Variants in CAPN13 observed in about 807,000 individuals in gnomAD.
CAPN13 encodes calpain 13.
In CAPN13, 90 loss-of-function variants were observed where a neutral mutation model predicts 98.4. The observed-to-expected ratio is 0.92, with a 90% CI of 0.77 to 1.09. The LOEUF is 1.09. Ranked by LOEUF, CAPN13 falls within the 50% of genes least tolerant of loss-of-function variation. The pLI, the probability that CAPN13 is intolerant of heterozygous loss-of-function variation, is 0.00. For synonymous variants in CAPN13, 330 were observed against 305.5 expected (o/e 1.08, Z -0.84); for missense variants, 887 against 841.3 (o/e 1.05, Z -0.67).
intron 1 of CAPN13, among the ~76,000 whole-genome samples, chr2:30,803,404 G>T (rs62139469): frequency 0.13 from 19,058 of 152,154 alleles, 1,343 homozygotes; most frequent in East Asian, 0.16. Flanking sequence ...TGTGGGAGGT[G>T]CTGGTCAGAC....
intron 7 of CAPN13, among the ~76,000 whole-genome samples, chr2:30,759,726 C>G (rs894801833): frequency 6.6e-6 from 1 of 152,230 alleles, no homozygotes; most frequent in Non-Finnish European, 1.5e-5. Context: ...GAATTCCAAT[C>G]CAGCCACGGT....
At chr2:30,776,368 A>G (rs763000978) in intron 3 of CAPN13, among the ~76,000 whole-genome samples, 3 of 152,114 alleles carry the variant, frequency 2.0e-5, no homozygotes, top group Non-Finnish European at 4.4e-5. Flanking sequence ...AGCTGCACCA[A>G]GCCCGGCTAA....
rs765308384 is a variant in CAPN13, at chr2:30,730,805, C to A, written c.1984-19G>T. 1 of 780,876 alleles carries A rather than the reference C, an allele frequency of 1.3e-6. No homozygotes were observed. The highest frequency in any genetic ancestry group is 2.4e-6 in the Non-Finnish European group (1 of 417,974). The allele number at this position is 780,876 out of a possible 1,614,324, so 48.4% of individuals were successfully genotyped here. On this transcript the variant is annotated intron_variant, in intron 21 of 22. Coordinates refer to ENST00000295055, the MANE Select transcript of CAPN13 (RefSeq NM_144575.3). Reference sequence around the variant, plus strand: ...TCATCCACTGAAAAATAAGCATCATCATTACAACAATTCTTTACACTTGTT... The same window carrying A: ...TCATCCACTGAAAAATAAGCATCATAATTACAACAATTCTTTACACTTGTT...
At chr2:30,756,968 G>A (rs1435715959) in intron 8 of CAPN13, among the ~76,000 whole-genome samples, 6 of 152,168 alleles carry the variant, frequency 3.9e-5, no homozygotes, top group South Asian at 2.1e-4. Context: ...ATGGGGGATC[G>A]GAGCGGTCCT....
rs899566745 is a variant in CAPN13, at chr2:30,763,173, C to A, written c.700-17G>T. The A allele has an allele frequency of 6.2e-7, 1 of 1,605,342 alleles. No individual in the cohort carries two copies. The highest frequency in any genetic ancestry group is 8.5e-7 in the Non-Finnish European group (1 of 1,174,972). On this transcript the variant is annotated splice_polypyrimidine_tract_variant and intron_variant, in intron 6 of 22. Coordinates refer to ENST00000295055, the MANE Select transcript of CAPN13 (RefSeq NM_144575.3). ...ATCTGTTGGCTTCAAGGCAGAAAAG[C>A]AGATCAAACATTAGACATCTACAGG...
At chr2:30,730,675 G>C (rs1218950488) in intron 22 of CAPN13, 55 bp downstream of exon 22, 2 of 772,670 alleles carry the variant, frequency 2.6e-6, no homozygotes, top group Admixed American at 1.7e-5. Flanking sequence ...TTCTTAGAGG[G>C]GAAGGAGGAC....
At chr2:30,783,230 G>A (rs930105469) in intron 2 of CAPN13, among the ~76,000 whole-genome samples, 2 of 152,162 alleles carry the variant, frequency 1.3e-5, no homozygotes, top group African/African-American at 2.4e-5. Context: ...TTAGCTCAGG[G>A]AAATATCACA....
intron 18 of CAPN13, among the ~76,000 whole-genome samples, chr2:30,735,495 C>T (rs1470872219): frequency 3.9e-5 from 6 of 152,218 alleles, no homozygotes; most frequent in East Asian, 1.9e-4. Context: ...GGAATTCATT[C>T]GTTCATTCGG....
At chr2:30,789,518 G>A (rs1460514833) in intron 1 of CAPN13, among the ~76,000 whole-genome samples, 2 of 152,146 alleles carry the variant, frequency 1.3e-5, no homozygotes, top group Non-Finnish European at 1.5e-5. Context: ...ATCATACAAA[G>A]GTCTTATATG....
chr2:30,755,032 C>A (rs775046042), intron 8 of CAPN13, among the ~76,000 whole-genome samples: 3 of 152,160 alleles, frequency 2.0e-5, no homozygotes, highest in Non-Finnish European at 4.4e-5. Context: ...CTCTGCCACC[C>A]TCTCCGATGT....
rs1378228353 is a variant in CAPN13, at chr2:30,786,469, T to C, written c.198+659A>G. On this transcript the variant is annotated intron_variant, in intron 2 of 22. Transcript: ENST00000295055. Reference sequence around the variant, plus strand: ...TCATGCCCTAAAATTAAGATAGTTCTAGAAAAACCAGAAGGGCTCACCTGG... The same window carrying C: ...TCATGCCCTAAAATTAAGATAGTTCCAGAAAAACCAGAAGGGCTCACCTGG... Among the ~76,000 whole-genome samples the C allele has an allele frequency of 2.6e-5, 4 of 152,116 alleles. No individual in the cohort carries two copies. The East Asian group carries it at 7.7e-4, about 29-fold the overall frequency.
chr2:30,769,047 C>T (rs1673252971), intron 5 of CAPN13, among the ~76,000 whole-genome samples: 1 of 152,086 alleles, frequency 6.6e-6, no homozygotes, highest in African/African-American at 2.4e-5. Flanking sequence ...TCTAGGGGGC[C>T]TCAAGGACCC....
intron 8 of CAPN13, 113 bp from the exon 9 acceptor site, chr2:30,754,477 G>A (rs887715582): frequency 1.5e-5 from 12 of 822,652 alleles, no homozygotes; most frequent in African/African-American, 3.6e-5. Context: ...GGAGCACAGG[G>A]CAAGTGTCAT....
chr2:30,783,239 CAT>C (rs1472710576), intron 2 of CAPN13, among the ~76,000 whole-genome samples: 1 of 152,212 alleles, frequency 6.6e-6, no homozygotes, highest in Non-Finnish European at 1.5e-5. Context: ...GGAAATATCA[CAT>C]AGATACCTCA....
chr2:30,756,012 C>T (rs148804954), intron 8 of CAPN13, among the ~76,000 whole-genome samples: 26 of 152,164 alleles, frequency 1.7e-4, no homozygotes, highest in African/African-American at 4.6e-4. Context: ...ATGCAGTCCC[C>T]GTCACTTCCT....
intron 12 of CAPN13, 84 bp downstream of exon 12, chr2:30,745,639 G>T: frequency 7.2e-7 from 1 of 1,390,402 alleles, no homozygotes; most frequent in Non-Finnish European, 9.9e-7. Context: ...TGAACACGTG[G>T]AGGCCATGGG....
intron 14 of CAPN13, 136 bp downstream of exon 14, chr2:30,742,190 A>G (rs942697509): frequency 4.4e-5 from 51 of 1,157,266 alleles, no homozygotes; most frequent in Non-Finnish European, 6.2e-5. Flanking sequence ...CGCCCCTTTG[A>G]GCCTTCATCG....
rs1169094058 is a variant in CAPN13, at chr2:30,764,222, G to T, written c.609C>A (p.Ile203=). ...GGTCCACAGGGGAAGAGTGCAGATG[G>T]ATGTTGGTGATCACGCCTCCTGTGA... ...VDLTGGVITN[I]HLHSSPVDLV... Residue 203 remains isoleucine, a synonymous_variant, in exon 6 of 23, where the codon ATC becomes ATA. Coordinates refer to ENST00000295055, the MANE Select transcript of CAPN13 (RefSeq NM_144575.3). 5 of 1,612,840 alleles carry T rather than the reference G, an allele frequency of 3.1e-6. No homozygotes were observed. The Admixed American group carries it at 5.0e-5, about 16-fold the overall frequency.
chr2:30,755,768 G>T (rs770020074), intron 8 of CAPN13, among the ~76,000 whole-genome samples: 2 of 152,254 alleles, frequency 1.3e-5, no homozygotes, highest in African/African-American at 2.4e-5. Flanking sequence ...GCAGTCAGAT[G>T]TGGTATTGTA....
Sources: gnomAD v4.1 joint callset for allele counts (sites outside exome capture counted in the v4.1 genomes callset) on GRCh38, gnomAD v4.1.1 for gene constraint, MANE v1.5 for transcripts, NCBI Gene and HGNC (gene_info 2026-07-23, HGNC 2026-07-21) for gene names.